CERT1: variants seen among roughly 807,000 people sequenced by gnomAD.
CERT1 encodes the protein ceramide transporter 1.
Under a neutral mutation model 87.9 loss-of-function variants are expected in CERT1, and 31 were observed. The ratio of observed to expected loss-of-function variants is 0.35; its 90% CI spans 0.27 to 0.48. The LOEUF is 0.48. Ranked by LOEUF, CERT1 falls within the 20% of genes least tolerant of loss-of-function variation. The pLI is 0.99. For synonymous variants in CERT1, 289 were observed against 250.9 expected (o/e 1.15, Z -1.44); for missense variants, 487 against 758.0 (o/e 0.64, Z 4.20).
chr5:75,386,139 T>C, intron 12 of CERT1, 105 bp from the exon 13 acceptor site: 1 of 869,462 alleles, frequency 1.2e-6, no homozygotes, highest in Non-Finnish European at 1.6e-6. Context: ...TTTATGAAAG[T>C]CTATTTATAG....
chr5:75,425,233 T>C (rs1763561662), intron 5 of CERT1, 128 bp downstream of exon 5: 6 of 792,904 alleles, frequency 7.6e-6, no homozygotes, highest in Non-Finnish European at 1.2e-5. Context: ...GAAATCTGTT[T>C]CACTGGGGGT....
At chr5:75,434,597 G>A (rs1764011195) in intron 3 of CERT1, among the ~76,000 whole-genome samples, 1 of 151,066 alleles carries the variant, frequency 6.6e-6, no homozygotes, top group Non-Finnish European at 1.5e-5. Context: ...TGGTAGAATA[G>A]AGCTATGAAT....
intron 2 of CERT1, among the ~76,000 whole-genome samples, chr5:75,499,254 T>C (rs1767228030): frequency 6.6e-6 from 1 of 152,180 alleles, no homozygotes; most frequent in Non-Finnish European, 1.5e-5. Context: ...TGGGGGACTG[T>C]TGAAAAGGCA....
chr5:75,428,851 A>C (rs938191950), intron 3 of CERT1, among the ~76,000 whole-genome samples: 2 of 152,134 alleles, frequency 1.3e-5, no homozygotes, highest in African/African-American at 4.8e-5. Context: ...AACAAAGCAC[A>C]TTCCAAAAAT....
chr5:75,380,238 A>C (rs1477169969), intron 16 of CERT1, among the ~76,000 whole-genome samples: 1 of 152,230 alleles, frequency 6.6e-6, no homozygotes. Flanking sequence ...ACCTATCCAA[A>C]GTGAAACAAA....
In CERT1 at chr5:75,400,185, A is replaced by G; in HGVS notation, c.1110+20T>C. ...GAACAATACAAGGTGTACTTTTAGT[A>G]AACTCTGACATTAGCTTACCTTTTG... On this transcript the variant is annotated intron_variant, in intron 10 of 16. Transcript: ENST00000643780. The G allele has an allele frequency of 1.3e-6, 2 of 1,501,406 alleles. No homozygotes were observed. The highest frequency in any genetic ancestry group is 1.7e-5 in the Admixed American group (1 of 58,554). The allele number at this position is 1,501,406 out of a possible 1,614,324, so 93.0% of individuals were successfully genotyped here. A position where few individuals can be genotyped will look rare whatever the true frequency, so the allele number is the denominator to read the frequency against.
At chr5:75,462,909 T>C (rs1309293037) in intron 2 of CERT1, among the ~76,000 whole-genome samples, 2 of 149,648 alleles carry the variant, frequency 1.3e-5, no homozygotes, top group Admixed American at 6.7e-5. Context: ...GGAGAATCAC[T>C]TGAACCCGGG....
At chr5:75,488,264 GATT>G (rs1196474486) in intron 2 of CERT1, among the ~76,000 whole-genome samples, 1 of 151,888 alleles carries the variant, frequency 6.6e-6, no homozygotes, top group Admixed American at 6.6e-5. Context: ...ACCACGATGT[GATT>G]ATTACACACT....
intron 2 of CERT1, among the ~76,000 whole-genome samples, chr5:75,461,266 C>G (rs994899478): frequency 6.6e-6 from 1 of 152,158 alleles, no homozygotes; most frequent in Non-Finnish European, 1.5e-5. Flanking sequence ...AGATCAGCAG[C>G]GGCATTAGAT....
At chr5:75,373,530 C>T (rs1259611587), downstream of CERT1, 1 of 152,184 alleles carries the variant, frequency 6.6e-6, no homozygotes, top group Non-Finnish European at 1.5e-5. Context: ...TTTTCACTTT[C>T]TCCATCAGAA....
intron 16 of CERT1, among the ~76,000 whole-genome samples, chr5:75,380,651 G>C (rs558899187): frequency 9.9e-5 from 15 of 151,970 alleles, no homozygotes; most frequent in African/African-American, 3.4e-4. Flanking sequence ...AGCCAGGCGT[G>C]GTTGTGGGCA....
chr5:75,417,404 TCTGAAGATAAA>T (rs1763177857), intron 6 of CERT1, among the ~76,000 whole-genome samples: 1 of 152,102 alleles, frequency 6.6e-6, no homozygotes, highest in African/African-American at 2.4e-5. Flanking sequence ...TTAAAAAAAA[TCTGAAGATAAA>T]CTAAAGAATC....
chr5:75,404,880 C>T lies in CERT1; in HGVS notation c.931-1822G>A, dbSNP rs140431848. Among the ~76,000 whole-genome samples, 10 of 152,092 alleles carry T rather than the reference C, an allele frequency of 6.6e-5. No individual in the cohort carries two copies. The East Asian group carries it at 1.2e-3, about 18-fold the overall frequency. On this transcript the variant is annotated intron_variant, in intron 8 of 16. Coordinates refer to ENST00000643780, the MANE Select transcript of CERT1 (RefSeq NM_001379029.1). ...AAAAATCAGTGGGTGTGGTGGAGCA[C>T]GTCTATAAACCTAGTACTCAGGAGG...
chr5:75,494,340 C>A (rs947517236), intron 2 of CERT1, among the ~76,000 whole-genome samples: 1 of 152,132 alleles, frequency 6.6e-6, no homozygotes, highest in Non-Finnish European at 1.5e-5. Flanking sequence ...AACCTCCTGT[C>A]CTGAGGATTA....
chr5:75,470,505 G>C (rs1765657404), intron 2 of CERT1, among the ~76,000 whole-genome samples: 1 of 152,122 alleles, frequency 6.6e-6, no homozygotes, highest in African/African-American at 2.4e-5. Flanking sequence ...CACATTAACA[G>C]AATTGATGGA....
intron 8 of CERT1, among the ~76,000 whole-genome samples, chr5:75,406,184 T>C (rs1212799307): frequency 6.6e-6 from 1 of 152,246 alleles, no homozygotes; most frequent in Non-Finnish European, 1.5e-5. Context: ...CTCTTAACCA[T>C]TCTTTCCTCT....
chr5:75,449,192 A>G (rs185519468), intron 3 of CERT1, among the ~76,000 whole-genome samples: 1 of 152,318 alleles, frequency 6.6e-6, no homozygotes, highest in East Asian at 1.9e-4. Context: ...TAAGGCAGTT[A>G]GGGGTTGAAA....
chr5:75,444,709 G>T (rs1233916268), intron 3 of CERT1, among the ~76,000 whole-genome samples: 1 of 151,686 alleles, frequency 6.6e-6, no homozygotes, highest in African/African-American at 2.4e-5. Context: ...ACCATGCCCA[G>T]CCAATTTTTG....
intron 3 of CERT1, among the ~76,000 whole-genome samples, chr5:75,440,046 T>A (rs1764258155): frequency 6.6e-6 from 1 of 152,072 alleles, no homozygotes. Flanking sequence ...TCATTTTATC[T>A]GTAAAACGAT....
Sources: allele counts gnomAD v4.1 joint callset (sites outside exome capture counted in the v4.1 genomes callset), GRCh38; gene constraint gnomAD v4.1.1; transcripts MANE v1.5; gene names NCBI Gene and HGNC (gene_info 2026-07-23, HGNC 2026-07-21).